Variants in SLC4A4 observed in about 807,000 individuals in gnomAD.
SLC4A4 encodes the protein solute carrier family 4 member 4.
SLC4A4 carries 27 observed loss-of-function variants against 111.5 expected under a neutral mutation model. The ratio of observed to expected loss-of-function variants is 0.24; its 90% CI spans 0.18 to 0.33. The LOEUF (loss-of-function observed/expected upper bound fraction) is 0.33. Among genes scored for constraint, SLC4A4 ranks in the 10% least tolerant of loss-of-function variants. The probability of loss-of-function intolerance (pLI) is 1.00; values close to 1 mark genes in which losing one functional copy is unlikely to be tolerated. For synonymous variants in SLC4A4, 443 were observed against 463.4 expected (o/e 0.96, Z 0.57); for missense variants, 909 against 1,315.5 (o/e 0.69, Z 4.78).
At chr4:71,422,026 C>A (rs1331771848) in intron 7 of SLC4A4, among the ~76,000 whole-genome samples, 1 of 151,494 alleles carries the variant, frequency 6.6e-6, no homozygotes, top group Middle Eastern at 3.4e-3. Flanking sequence ...AAAAACCCTT[C>A]AAAAAATTAA....
intron 3 of SLC4A4, among the ~76,000 whole-genome samples, chr4:71,308,817 T>G (rs916578635): frequency 6.6e-6 from 1 of 152,088 alleles, no homozygotes; most frequent in Admixed American, 6.5e-5. Flanking sequence ...TGCACGTGTG[T>G]TTTTTTCGTA....
intron 2 of SLC4A4, among the ~76,000 whole-genome samples, chr4:71,181,160 A>T (rs904937911): frequency 6.8e-6 from 1 of 146,050 alleles, no homozygotes. Flanking sequence ...GTGGGAATTG[A>T]ACAATGAGAA....
intron 1 of SLC4A4, among the ~76,000 whole-genome samples, chr4:71,067,519 T>C (rs1220438023): frequency 6.6e-6 from 1 of 152,200 alleles, no homozygotes; most frequent in Non-Finnish European, 1.5e-5. Context: ...TATTTACTTT[T>C]CTTTGATCTC....
chr4:71,562,354 A>G (rs1358791072), intron 23 of SLC4A4, among the ~76,000 whole-genome samples: 2 of 151,708 alleles, frequency 1.3e-5, no homozygotes, highest in East Asian at 3.9e-4. Context: ...TGGTTCTCCT[A>G]AGTTTACTTT....
chr4:71,546,319 CT>C (rs758073806), intron 18 of SLC4A4, 30 bp from the exon 19 acceptor site: 3 of 1,591,822 alleles, frequency 1.9e-6, no homozygotes, highest in Non-Finnish European at 2.6e-6. Context: ...TGAGTCTTTT[CT>C]TCACATGGTT....
chr4:71,223,411 C>T (rs773744047), intron 1 of SLC4A4, among the ~76,000 whole-genome samples: 28 of 152,060 alleles, frequency 1.8e-4, no homozygotes, highest in Non-Finnish European at 3.2e-4. Context: ...GATCTGCCTG[C>T]CTCGGCCTCC....
intron 2 of SLC4A4, among the ~76,000 whole-genome samples, chr4:71,096,622 C>T (rs1175760019): frequency 1.3e-5 from 2 of 152,042 alleles, no homozygotes; most frequent in Non-Finnish European, 1.5e-5. Flanking sequence ...AAATGGGATC[C>T]GAATTACTGA....
chr4:71,493,409 A>C (rs532438742), intron 15 of SLC4A4, among the ~76,000 whole-genome samples: 1 of 152,020 alleles, frequency 6.6e-6, no homozygotes, highest in Non-Finnish European at 1.5e-5. Context: ...TCTTCCTTGA[A>C]TATGTCATAT....
At chr4:71,126,230 A>C (rs537600369) in intron 2 of SLC4A4, among the ~76,000 whole-genome samples, 68 of 152,336 alleles carry the variant, frequency 4.5e-4, no homozygotes, top group Middle Eastern at 3.4e-3. Context: ...ATGCAAGACT[A>C]ACTTTAAATC....
At chr4:71,168,095 G>A (rs1744830840) in intron 2 of SLC4A4, among the ~76,000 whole-genome samples, 1 of 150,596 alleles carries the variant, frequency 6.6e-6, no homozygotes, top group Admixed American at 6.6e-5. Flanking sequence ...GGCATGCAAT[G>A]TGTAATAATC....
chr4:71,286,057 T>C (rs1723890234), intron 3 of SLC4A4, among the ~76,000 whole-genome samples: 1 of 152,000 alleles, frequency 6.6e-6, no homozygotes, highest in Non-Finnish European at 1.5e-5. Context: ...GCTAACACAG[T>C]GAAACCCCGT....
intron 3 of SLC4A4, among the ~76,000 whole-genome samples, chr4:71,308,366 T>C (rs890423662): frequency 1.3e-5 from 2 of 152,168 alleles, no homozygotes; most frequent in Admixed American, 1.3e-4. Context: ...TATAAGCCCA[T>C]CCAGAGCACT....
intron 16 of SLC4A4, among the ~76,000 whole-genome samples, chr4:71,506,805 A>C (rs1731459754): frequency 6.6e-6 from 1 of 152,114 alleles, no homozygotes; most frequent in South Asian, 2.1e-4. Context: ...AGATTCTCCA[A>C]GGTTGAAAGA....
chr4:71,129,245 T>TA (rs1161204489), intron 2 of SLC4A4, among the ~76,000 whole-genome samples: 1 of 151,990 alleles, frequency 6.6e-6, no homozygotes. Flanking sequence ...CAGAATCTGT[T>TA]AGGAACTTAA....
chr4:71,102,458 A>T (rs1463194914), intron 2 of SLC4A4, among the ~76,000 whole-genome samples: 1 of 151,896 alleles, frequency 6.6e-6, no homozygotes, highest in Non-Finnish European at 1.5e-5. Context: ...CAACTCCAAG[A>T]CACATAATTG....
At chr4:71,253,628 G>C (rs1167795085) in intron 2 of SLC4A4, among the ~76,000 whole-genome samples, 1 of 152,256 alleles carries the variant, frequency 6.6e-6, no homozygotes, top group East Asian at 1.9e-4. Flanking sequence ...TGGAGCACAG[G>C]AAACAATTGA....
intron 1 of SLC4A4, among the ~76,000 whole-genome samples, chr4:71,212,629 A>C (rs896430994): frequency 2.0e-5 from 3 of 152,216 alleles, no homozygotes; most frequent in African/African-American, 7.2e-5. Context: ...GAATGAGATG[A>C]GGTGGGCCAT....
chr4:71,106,848 C>T (rs980691493), intron 2 of SLC4A4, among the ~76,000 whole-genome samples: 12 of 148,524 alleles, frequency 8.1e-5, no homozygotes, highest in Non-Finnish European at 1.6e-4. Flanking sequence ...GGGTGCAGCA[C>T]ACCAGCATGG....
In SLC4A4 at chr4:71,376,156, T is replaced by TATACACACACACACACAC. The variant is rs1553900734; in HGVS notation, c.730+18970_730+18971insTACACACACACACACACA. Among the ~76,000 whole-genome samples, 116 of 135,548 alleles carry TATACACACACACACACAC rather than the reference T, an allele frequency of 8.6e-4. 1 individual carries two copies. The highest frequency in any genetic ancestry group is 3.1e-3 in the African/African-American group (111 of 36,242). 88.9% of individuals were successfully genotyped at this position (135,548 alleles called of 152,430 possible). A position where few individuals can be genotyped will look rare whatever the true frequency, so the allele number is the denominator to read the frequency against. On this transcript the variant is annotated intron_variant, in intron 6 of 25. Transcript: ENST00000264485. Reference sequence around the variant, plus strand: ...ACATACACATATATACCTGTATATATACACACACACACACACACACACACA... The same window carrying TATACACACACACACACAC: ...ACATACACATATATACCTGTATATATATACACACACACACACACACACACACACACACACACACACACA...
Sources: gnomAD v4.1 joint callset for allele counts (sites outside exome capture counted in the v4.1 genomes callset) on GRCh38, gnomAD v4.1.1 for gene constraint, MANE v1.5 for transcripts, NCBI Gene and HGNC (gene_info 2026-07-23, HGNC 2026-07-21) for gene names.